Variants in KCNIP4 observed in about 807,000 individuals in gnomAD.
KCNIP4 encodes the protein potassium voltage-gated channel interacting protein 4, also known as Kv channel-interacting protein 4.
Under a neutral mutation model 34.0 loss-of-function variants are expected in KCNIP4, and 12 were observed. The observed-to-expected ratio is 0.35, with a 90% confidence interval of 0.23 to 0.57. KCNIP4 has a LOEUF of 0.57. KCNIP4 is among the 20% of genes least tolerant of loss of function. KCNIP4 has a pLI of 0.83. For synonymous variants in KCNIP4, 124 were observed against 102.2 expected (o/e 1.21, Z -1.29); for missense variants, 238 against 311.7 (o/e 0.76, Z 1.78).
intron 1 of KCNIP4, among the ~76,000 whole-genome samples, chr4:21,297,505 G>T (rs1044410390): frequency 6.6e-6 from 1 of 152,090 alleles, no homozygotes; most frequent in South Asian, 2.1e-4. Flanking sequence ...TATGAAACAG[G>T]TTATGTTTGA....
intron 1 of KCNIP4, among the ~76,000 whole-genome samples, chr4:21,441,941 C>T (rs10017899): frequency 0.56 from 85,154 of 151,894 alleles, 24,035 homozygotes; most frequent in Middle Eastern, 0.62. Flanking sequence ...TACTTCATTA[C>T]TTCATTTAAG....
chr4:21,550,814 T>G (rs1738521219), intron 1 of KCNIP4, among the ~76,000 whole-genome samples: 1 of 152,066 alleles, frequency 6.6e-6, no homozygotes, highest in Non-Finnish European at 1.5e-5. Flanking sequence ...TACATAAATT[T>G]TAAAATTTCA....
intron 1 of KCNIP4, among the ~76,000 whole-genome samples, chr4:21,911,746 CT>C: frequency 6.6e-6 from 1 of 151,898 alleles, no homozygotes; most frequent in South Asian, 2.1e-4. Context: ...TTGGTCCCAT[CT>C]TGTAATTCAA....
intron 1 of KCNIP4, among the ~76,000 whole-genome samples, chr4:21,034,250 A>T (rs923091414): frequency 1.3e-5 from 2 of 152,166 alleles, no homozygotes; most frequent in Non-Finnish European, 2.9e-5. Context: ...ACAGAGCCAA[A>T]GTGAATTATA....
chr4:21,305,190 G>A (rs1305129897), intron 1 of KCNIP4, among the ~76,000 whole-genome samples: 2 of 152,138 alleles, frequency 1.3e-5, no homozygotes, highest in African/African-American at 4.8e-5. Flanking sequence ...CAAAAGAAAT[G>A]AGGCAAAAAG....
chr4:21,281,165 C>G (rs1393651165), intron 1 of KCNIP4, among the ~76,000 whole-genome samples: 1 of 150,328 alleles, frequency 6.7e-6, no homozygotes, highest in Non-Finnish European at 1.5e-5. Context: ...TGGCTCACCA[C>G]AACATCCACC....
At chr4:21,186,885 G>T (rs1755271493) in intron 1 of KCNIP4, among the ~76,000 whole-genome samples, 1 of 152,112 alleles carries the variant, frequency 6.6e-6, no homozygotes, top group African/African-American at 2.4e-5. Flanking sequence ...CTGGGCTCAA[G>T]GGATCCCTCA....
intron 1 of KCNIP4, among the ~76,000 whole-genome samples, chr4:21,811,303 A>G (rs1439543938): frequency 6.6e-6 from 1 of 152,172 alleles, no homozygotes; most frequent in African/African-American, 2.4e-5. Context: ...TATTCCATGA[A>G]CTCTCTCATC....
At chr4:21,093,650 A>C (rs1287737137) in intron 1 of KCNIP4, among the ~76,000 whole-genome samples, 1 of 152,208 alleles carries the variant, frequency 6.6e-6, no homozygotes, top group African/African-American at 2.4e-5. Flanking sequence ...CGAGTTACAG[A>C]TACTATATGG....
intron 1 of KCNIP4, among the ~76,000 whole-genome samples, chr4:21,773,753 T>TG (rs1560704130): frequency 8.3e-4 from 45 of 53,918 alleles, no homozygotes; most frequent in African/African-American, 3.3e-3. Context: ...TTGTTTTTTT[T>TG]TTTTTGTTTG....
intron 3 of KCNIP4, among the ~76,000 whole-genome samples, chr4:20,787,130 T>C (rs1008779756): frequency 6.6e-6 from 1 of 152,154 alleles, no homozygotes; most frequent in African/African-American, 2.4e-5. Context: ...AGATGATGCA[T>C]AGGCAGACAG....
At chr4:20,767,669 C>T (rs1475455273) in intron 3 of KCNIP4, among the ~76,000 whole-genome samples, 1 of 152,188 alleles carries the variant, frequency 6.6e-6, no homozygotes, top group African/African-American at 2.4e-5. Flanking sequence ...ATATTGTCCA[C>T]TCCAATAATC....
At chr4:21,480,632 C>G (rs1731341116) in intron 1 of KCNIP4, among the ~76,000 whole-genome samples, 1 of 152,026 alleles carries the variant, frequency 6.6e-6, no homozygotes, top group African/African-American at 2.4e-5. Context: ...CTTTGTATAC[C>G]TCAGCAATAG....
intron 1 of KCNIP4, among the ~76,000 whole-genome samples, chr4:21,741,837 G>A (rs1322824796): frequency 6.6e-6 from 1 of 152,028 alleles, no homozygotes; most frequent in Admixed American, 6.6e-5. Context: ...AGGAGTTCGA[G>A]ACCAGCCTGG....
At chr4:21,621,182 A>T (rs1481925168) in intron 1 of KCNIP4, among the ~76,000 whole-genome samples, 1 of 152,190 alleles carries the variant, frequency 6.6e-6, no homozygotes, top group East Asian at 1.9e-4. Flanking sequence ...ACTCAAATTT[A>T]ATTTAAAAAG....
chr4:21,436,828 G>T (rs1466855025), intron 1 of KCNIP4, among the ~76,000 whole-genome samples: 3 of 152,114 alleles, frequency 2.0e-5, no homozygotes, highest in African/African-American at 7.2e-5. Context: ...ACTATTCTGT[G>T]AGTTCTTTCA....
At chr4:21,733,501 T>C (rs964741289) in intron 1 of KCNIP4, among the ~76,000 whole-genome samples, 1 of 152,162 alleles carries the variant, frequency 6.6e-6, no homozygotes, top group Non-Finnish European at 1.5e-5. Flanking sequence ...GGGACACAGA[T>C]GTTCGAAACT....
chr4:21,607,299 T>C (rs1743780352), intron 1 of KCNIP4, among the ~76,000 whole-genome samples: 1 of 152,118 alleles, frequency 6.6e-6, no homozygotes, highest in South Asian at 2.1e-4. Context: ...GAATAATGTG[T>C]TAATATATGA....
intron 2 of KCNIP4, among the ~76,000 whole-genome samples, chr4:20,869,809 G>T (rs1353670009): frequency 1.3e-5 from 2 of 151,998 alleles, no homozygotes; most frequent in African/African-American, 4.8e-5. Context: ...GGAGTGAGGG[G>T]TCTAACACAG....
Sources: gnomAD v4.1 joint callset for allele counts (sites outside exome capture counted in the v4.1 genomes callset) on GRCh38, gnomAD v4.1.1 for gene constraint, MANE v1.5 for transcripts, NCBI Gene and HGNC (gene_info 2026-07-23, HGNC 2026-07-21) for gene names.